SORCS2: variants seen among roughly 807,000 people sequenced by gnomAD.
SORCS2 encodes VPS10 domain-containing receptor SorCS2.
SORCS2 carries 100 observed loss-of-function variants against 141.6 expected under a neutral mutation model. That is an observed-to-expected ratio of 0.71 (90% CI 0.60 to 0.83). The LOEUF is 0.83. Ranked by LOEUF, SORCS2 falls within the 40% of genes least tolerant of loss-of-function variation. The pLI is 0.00. For synonymous variants in SORCS2, 789 were observed against 676.9 expected, an observed-to-expected ratio of 1.17 and a Z score of -2.57; for missense variants, 1,646 against 1,560.2, an observed-to-expected ratio of 1.05 and a Z score of -0.93.
At chr4:7,412,706 G>T (rs967594412) in intron 2 of SORCS2, among the ~76,000 whole-genome samples, 1 of 151,910 alleles carries the variant, frequency 6.6e-6, no homozygotes, top group Non-Finnish European at 1.5e-5. Flanking sequence ...GGCCCTCCCT[G>T]CAGGTCTTGC....
At chr4:7,543,509 A>ATCCATCCATCCC (rs1712877764) in intron 3 of SORCS2, among the ~76,000 whole-genome samples, 1 of 142,326 alleles carries the variant, frequency 7.0e-6, no homozygotes, top group South Asian at 2.3e-4. Flanking sequence ...CCATCCATCC[A>ATCCATCCATCCC]TCCATCCATC....
At chr4:7,433,461 C>T in intron 2 of SORCS2, 3 of 1,566,080 alleles carry the variant, frequency 1.9e-6, no homozygotes, top group East Asian at 2.3e-5. Flanking sequence ...GCAGTGGGGT[C>T]CTGGGGCCGT....
At chr4:7,591,829 T>C (rs1258499699) in intron 3 of SORCS2, among the ~76,000 whole-genome samples, 3 of 151,926 alleles carry the variant, frequency 2.0e-5, no homozygotes, top group Non-Finnish European at 4.4e-5. Context: ...GATGGATGGG[T>C]TTCCTTGAGT....
chr4:7,673,510 A>G (rs1722912547), intron 8 of SORCS2, among the ~76,000 whole-genome samples: 1 of 152,176 alleles, frequency 6.6e-6, no homozygotes, highest in Non-Finnish European at 1.5e-5. Context: ...TGGCAGAGAA[A>G]ATGCTCTGCC....
At chr4:7,474,113 C>G (rs1489601983) in intron 2 of SORCS2, among the ~76,000 whole-genome samples, 1 of 152,188 alleles carries the variant, frequency 6.6e-6, no homozygotes, top group Admixed American at 6.5e-5. Context: ...TGTCTTTGCT[C>G]ACCCCCGTGT....
At chr4:7,322,625 G>T (rs73208472) in intron 1 of SORCS2, among the ~76,000 whole-genome samples, 1 of 152,046 alleles carries the variant, frequency 6.6e-6, no homozygotes, top group Non-Finnish European at 1.5e-5. Context: ...ACCCTGAGAG[G>T]CCGGGACAGC....
intron 1 of SORCS2, among the ~76,000 whole-genome samples, chr4:7,362,013 G>C (rs1476757425): frequency 6.6e-6 from 1 of 152,148 alleles, no homozygotes; most frequent in Non-Finnish European, 1.5e-5. Flanking sequence ...GGAGTAAAGT[G>C]GTGGGGACAA....
intron 10 of SORCS2, among the ~76,000 whole-genome samples, chr4:7,683,577 C>T (rs1723697196): frequency 6.6e-6 from 1 of 152,218 alleles, no homozygotes; most frequent in Admixed American, 6.5e-5. Flanking sequence ...ACAATTCAAG[C>T]CTGCTGGTAC....
chr4:7,722,215 C>T (rs1417856720), intron 18 of SORCS2, among the ~76,000 whole-genome samples: 1 of 152,194 alleles, frequency 6.6e-6, no homozygotes, highest in Non-Finnish European at 1.5e-5. Flanking sequence ...ATGCCTTCTC[C>T]TTCCCAGGAT....
At chr4:7,339,397 A>G (rs17813528) in intron 1 of SORCS2, among the ~76,000 whole-genome samples, 24,777 of 152,276 alleles carry the variant, frequency 0.16, 2,203 homozygotes, top group Non-Finnish European at 0.2. Context: ...ACAAAGTACC[A>G]CGGGCAGTTC....
intron 4 of SORCS2, among the ~76,000 whole-genome samples, chr4:7,639,097 G>A (rs1399845978): frequency 6.6e-6 from 1 of 152,186 alleles, no homozygotes; most frequent in African/African-American, 2.4e-5. Context: ...GGCTGTGGAG[G>A]GAGAGGGCCT....
Position 7,485,013 on chromosome 4 carries a change from G to A in SORCS2, c.549-46517G>A, listed in dbSNP as rs111304827. 4.0e-3 allele frequency among the ~76,000 whole-genome samples: 609 copies of A among 152,194 alleles called. 4 individuals are homozygous for A. The highest frequency in any genetic ancestry group is 7.4e-3 in the Non-Finnish European group (501 of 68,020). On this transcript the variant is annotated intron_variant, in intron 2 of 26. Coordinates refer to ENST00000507866, the MANE Select transcript of SORCS2 (RefSeq NM_020777.3). The stretch of plus-strand genomic sequence containing the variant: ...ATGTCAGGACTTCTGGCTGATTCCT[G>A]CAGGGCAGACTGTCTGTTCATCCTC...
intron 3 of SORCS2, among the ~76,000 whole-genome samples, chr4:7,561,743 T>A (rs1161304439): frequency 1.1e-5 from 1 of 93,874 alleles, no homozygotes; most frequent in Non-Finnish European, 2.2e-5. Flanking sequence ...ATCCACCTAC[T>A]CATCCACCCA....
At chr4:7,706,786 C>G (rs1243446427) in intron 14 of SORCS2, among the ~76,000 whole-genome samples, 2 of 150,610 alleles carry the variant, frequency 1.3e-5, no homozygotes, top group African/African-American at 4.9e-5. Flanking sequence ...AGGCTGGGCT[C>G]TGTCTGGGCA....
intron 2 of SORCS2, among the ~76,000 whole-genome samples, chr4:7,407,991 A>G (rs1403217071): frequency 6.6e-6 from 1 of 152,056 alleles, no homozygotes; most frequent in African/African-American, 2.4e-5. Flanking sequence ...TTTTACTTTT[A>G]GTTGTTTCAG....
At chr4:7,650,070 C>T (rs921421375) in intron 4 of SORCS2, among the ~76,000 whole-genome samples, 1 of 152,094 alleles carries the variant, frequency 6.6e-6, no homozygotes, top group Admixed American at 6.5e-5. Context: ...GGGCCAGTGA[C>T]GGAAATTGCT....
At chr4:7,465,588 G>A (rs999094750) in intron 2 of SORCS2, among the ~76,000 whole-genome samples, 2 of 152,164 alleles carry the variant, frequency 1.3e-5, no homozygotes, top group African/African-American at 4.8e-5. Flanking sequence ...CTGGAGATAT[G>A]TGTGCACTTT....
intron 2 of SORCS2, among the ~76,000 whole-genome samples, chr4:7,412,410 G>A (rs1725377875): frequency 6.6e-6 from 1 of 152,128 alleles, no homozygotes; most frequent in Non-Finnish European, 1.5e-5. Flanking sequence ...AGTGTGCAGG[G>A]GGGTCTGGCT....
intron 14 of SORCS2, among the ~76,000 whole-genome samples, chr4:7,712,127 CCA>C (rs1373415366): frequency 1.3e-5 from 2 of 152,190 alleles, no homozygotes; most frequent in Admixed American, 6.5e-5. Context: ...GCCTCTTCCC[CCA>C]CCCACCTAGG....
Sources: gnomAD v4.1 joint callset for allele counts (sites outside exome capture counted in the v4.1 genomes callset) on GRCh38, gnomAD v4.1.1 for gene constraint, MANE v1.5 for transcripts, NCBI Gene and HGNC (gene_info 2026-07-23, HGNC 2026-07-21) for gene names.